TRAPPC13: variants seen among roughly 807,000 people sequenced by gnomAD.
TRAPPC13 encodes REV7-interacting novel NHEJ regulator 1.
Under a neutral mutation model 54.0 loss-of-function variants are expected in TRAPPC13, and 39 were observed. The ratio of observed to expected loss-of-function variants is 0.72; its 90% CI spans 0.56 to 0.94. The LOEUF is 0.94. Among genes scored for constraint, TRAPPC13 ranks in the 40% least tolerant of loss-of-function variants. The pLI is 0.00. For synonymous variants in TRAPPC13, 148 were observed against 167.7 expected (o/e 0.88, Z 0.91); for missense variants, 386 against 488.1 (o/e 0.79, Z 1.97).
Position 65,664,921 on chromosome 5 carries a change from C to T in TRAPPC13, c.*310C>T, listed in dbSNP as rs781112959. 8 of 341,102 alleles carry T rather than the reference C, an allele frequency of 2.3e-5. No homozygotes were observed. The highest frequency in any genetic ancestry group is 3.2e-5 in the Non-Finnish European group (6 of 186,110). 21.1% of individuals were successfully genotyped at this position (341,102 alleles called of 1,614,324 possible). On this transcript the variant is annotated 3_prime_UTR_variant, in exon 13 of 13. Coordinates refer to ENST00000399438, the MANE Select transcript of TRAPPC13 (RefSeq NM_024941.4). ...TGTCCCTAGCAAGTTATCTAGAACA[C>T]GAGTCAGCACACTTTTTATGTAAGG...
chr5:65,629,623 T>C (rs1048534153), intron 1 of TRAPPC13: 37 of 1,535,626 alleles, frequency 2.4e-5, no homozygotes, highest in Non-Finnish European at 3.1e-5. Context: ...ATCGACCATG[T>C]GAGAGTGATC....
intron 7 of TRAPPC13, among the ~76,000 whole-genome samples, chr5:65,653,326 G>A (rs1756540374): frequency 6.6e-6 from 1 of 151,976 alleles, no homozygotes; most frequent in Non-Finnish European, 1.5e-5. Context: ...TTGAAATGAA[G>A]ATTATATCTC....
At position 65,662,101 on chromosome 5, in the gene TRAPPC13, G is replaced by A. The variant is rs745851265; in HGVS notation, c.949G>A (p.Val317Ile). The change falls in exon 11 of 13, where the codon GTA becomes ATA. Residue 317 changes from valine (V) to isoleucine (I), a missense_variant. By Grantham distance (29) the Val-to-Ile change is conservative. Transcript: ENST00000399438. ...RLSLEAIPDT[V>I]NLEEPFHITC... ...GTCTTTGGAGGCAATACCAGATACC[G>A]TAAACCTTGAAGAACCTTTTCATAT... The A allele has an allele frequency of 1.4e-5, 22 of 1,608,552 alleles. No homozygotes were observed. Among genetic ancestry groups the A allele is most frequent in the South Asian group, 6.6e-5 (6 of 90,422 alleles).
chr5:65,635,959 A>T lies in TRAPPC13; in HGVS notation c.131A>T (p.Gln44Leu), dbSNP rs1169356020. 2 of 1,593,664 alleles carry T rather than the reference A, an allele frequency of 1.3e-6. No homozygotes were observed. ...EKDLPGDLFN[Q>L]LMRDDPSTVN... ...CTTCATTCAGGAGATCTCTTTAACC[A>T]GCTGATGAGAGATGATCCTTCAACC... Residue 44 changes from glutamine (Q) to leucine (L), a missense_variant, in exon 3 of 13, where the codon CAG becomes CTG. Transcript: ENST00000399438.
In TRAPPC13 at chr5:65,665,012, C is replaced by A; in HGVS notation, c.*401C>A. 7.7e-6 allele frequency: 1 copy of A among 130,578 alleles called. No individual in the cohort carries two copies. The highest frequency in any genetic ancestry group is 1.1e-4 in the South Asian group (1 of 8,816). The allele number at this position is 130,578 out of a possible 1,614,324, so 8.1% of individuals were successfully genotyped here. Reference sequence around the variant, plus strand: ...TTTCTGTCACAAATACTGAACTCTGCCATCGTACTTCAAGAGCAGCCAGTA... The same window carrying A: ...TTTCTGTCACAAATACTGAACTCTGACATCGTACTTCAAGAGCAGCCAGTA... On this transcript the variant is annotated 3_prime_UTR_variant, in exon 13 of 13. Coordinates refer to ENST00000399438, the MANE Select transcript of TRAPPC13 (RefSeq NM_024941.4).
intron 1 of TRAPPC13, 120 bp from the exon 2 acceptor site, chr5:65,635,181 G>A (rs1342550185): frequency 1.2e-6 from 1 of 833,702 alleles, no homozygotes; most frequent in Non-Finnish European, 1.8e-6. Context: ...TTATATTTAG[G>A]AAGTATTTAG....
At chr5:65,629,499 C>G in intron 1 of TRAPPC13, 2 of 1,434,774 alleles carry the variant, frequency 1.4e-6, no homozygotes, top group South Asian at 1.5e-5. Flanking sequence ...GCAAGAGAGA[C>G]AATCTTGCAA....
At position 65,645,091 on chromosome 5, in the gene TRAPPC13, C is replaced by T. The variant is rs1013226953; in HGVS notation, c.301-1964C>T. On this transcript the variant is annotated intron_variant, in intron 4 of 12. Transcript: ENST00000399438. ...CGGGCGCCTGTAATCCCAGCTACTCCGGAGGCTGAGGCAGGAGAATCGCCT... is the reference window on the plus strand; with the variant it reads ...CGGGCGCCTGTAATCCCAGCTACTCTGGAGGCTGAGGCAGGAGAATCGCCT... 1.7e-4 allele frequency among the ~76,000 whole-genome samples: 25 copies of T among 147,318 alleles called. No individual in the cohort carries two copies. In the East Asian group the frequency reaches 2.2e-3, roughly 13 times the overall value.
intron 5 of TRAPPC13, among the ~76,000 whole-genome samples, chr5:65,650,157 CTTTTTTTTTTT>C (rs34093188): frequency 7.7e-5 from 6 of 78,118 alleles, no homozygotes; most frequent in African/African-American, 3.1e-4. Flanking sequence ...CACACCTGGC[CTTTTTTTTTTT>C]TTTTTTTTTT....
chr5:65,655,393 T>G (rs16894181), intron 7 of TRAPPC13, among the ~76,000 whole-genome samples: 5,031 of 152,292 alleles, frequency 0.033, 276 homozygotes, highest in African/African-American at 0.12. Context: ...TTGCTACTGT[T>G]GAGTATTCAG....
chr5:65,658,563 C>A, intron 9 of TRAPPC13, 62 bp downstream of exon 9: 2 of 1,367,260 alleles, frequency 1.5e-6, no homozygotes, highest in Non-Finnish European at 9.6e-7. Context: ...TTCTAAACAT[C>A]CATTGCTCTT....
intron 1 of TRAPPC13, chr5:65,630,180 C>T (rs771947125): frequency 6.5e-7 from 1 of 1,535,852 alleles, no homozygotes; most frequent in African/African-American, 1.4e-5. Context: ...AATGAACTTC[C>T]ATCTTGTAAT....
chr5:65,626,462 C>T (rs1277178427), intron 1 of TRAPPC13, among the ~76,000 whole-genome samples: 2 of 152,170 alleles, frequency 1.3e-5, no homozygotes, highest in Non-Finnish European at 2.9e-5. Flanking sequence ...ATTGCAGCCG[C>T]GCGTGGTGGC....
intron 11 of TRAPPC13, 96 bp from the exon 12 acceptor site, chr5:65,664,141 T>C: frequency 8.2e-7 from 1 of 1,224,812 alleles, no homozygotes; most frequent in Non-Finnish European, 1.1e-6. Flanking sequence ...CTCCTGGATA[T>C]GGAGAAAACA....
chr5:65,658,544 T>A, intron 9 of TRAPPC13, 43 bp downstream of exon 9: 1 of 1,455,798 alleles, frequency 6.9e-7, no homozygotes, highest in Admixed American at 2.5e-5. Flanking sequence ...TTTTGAAAGA[T>A]ACATGTTTTT....
intron 3 of TRAPPC13, 141 bp from the exon 4 acceptor site, chr5:65,637,555 T>G: frequency 2.3e-6 from 1 of 432,926 alleles, no homozygotes; most frequent in East Asian, 5.5e-5. Context: ...GGGGTGAACA[T>G]GGGAGGCGGA....
chr5:65,643,776 C>T lies in TRAPPC13; in HGVS notation c.301-3279C>T, dbSNP rs60774588. Among the ~76,000 whole-genome samples the T allele has an allele frequency of 6.1e-3, 882 of 144,958 alleles. 8 individuals are homozygous for T. Among genetic ancestry groups the T allele is most frequent in the African/African-American group, 0.021 (804 of 38,964 alleles). On this transcript the variant is annotated intron_variant, in intron 4 of 12. Transcript: ENST00000399438. ...AGCTTGCAGTGAGCCGAGATCGTGC[C>T]ACTGCACTCCAGCCTGGGCGACAGA...
At chr5:65,640,625 C>CT (rs1755930704) in intron 4 of TRAPPC13, among the ~76,000 whole-genome samples, 1 of 152,174 alleles carries the variant, frequency 6.6e-6, no homozygotes, top group African/African-American at 2.4e-5. Context: ...AGAACATATA[C>CT]TTTTGTCTTT....
At chr5:65,662,185 A>C in intron 11 of TRAPPC13, 35 bp downstream of exon 11, 1 of 1,423,730 alleles carries the variant, frequency 7.0e-7, no homozygotes, top group Non-Finnish European at 9.6e-7. Flanking sequence ...TGTCCTTTCT[A>C]CCTCACCTGC....
Sources: gnomAD v4.1 joint callset for allele counts (sites outside exome capture counted in the v4.1 genomes callset) on GRCh38, gnomAD v4.1.1 for gene constraint, MANE v1.5 for transcripts, NCBI Gene and HGNC (gene_info 2026-07-23, HGNC 2026-07-21) for gene names.